Variants in TRPM8 observed in about 807,000 individuals in gnomAD.
TRPM8 encodes transient receptor potential cation channel subfamily M member 8.
TRPM8 carries 110 observed loss-of-function variants against 133.7 expected under a neutral mutation model. The ratio of observed to expected loss-of-function variants is 0.82; its 90% CI spans 0.70 to 0.96. TRPM8 has a LOEUF of 0.96. TRPM8 is among the 40% of genes least tolerant of loss of function. The pLI is 0.00. For synonymous variants in TRPM8, 535 were observed against 532.3 expected (o/e 1.01, Z -0.07); for missense variants, 1,291 against 1,379.5 (o/e 0.94, Z 1.02).
At chr2:233,929,086 G>C (rs1156997970) in intron 2 of TRPM8, among the ~76,000 whole-genome samples, 4 of 149,132 alleles carry the variant, frequency 2.7e-5, no homozygotes, top group Non-Finnish European at 5.9e-5. Flanking sequence ...TCATGGCTAT[G>C]CTGTGTCCTA....
At chr2:234,014,917 G>A (rs2125418020) in intron 25 of TRPM8, among the ~76,000 whole-genome samples, 1 of 152,240 alleles carries the variant, frequency 6.6e-6, no homozygotes, top group Admixed American at 6.5e-5. Context: ...TGTCCTGTAG[G>A]ACCTTTTAAA....
At chr2:233,930,948 T>C (rs1226154334) in intron 3 of TRPM8, among the ~76,000 whole-genome samples, 1 of 152,250 alleles carries the variant, frequency 6.6e-6, no homozygotes, top group African/African-American at 2.4e-5. Context: ...TTTTCAGCTT[T>C]GGCCATAGTT....
In TRPM8 at chr2:233,964,646, G is replaced by A; in HGVS notation, c.1768G>A (p.Ala590Thr). Reference sequence around the variant, plus strand: ...TAAAAAGACCAGGGGCTGCACTCTGGCAGCCCTGGGAGCCAGCAAGCTTCT... The same window carrying A: ...TAAAAAGACCAGGGGCTGCACTCTGACAGCCCTGGGAGCCAGCAAGCTTCT... ...IWEQTRGCTLAALGASKLLKT... is the reference protein window; with the variant it reads ...IWEQTRGCTLTALGASKLLKT... The change falls in exon 14 of 26, where the codon GCA becomes ACA. Residue 590 changes from alanine to threonine, a missense_variant. Coordinates refer to ENST00000324695, the MANE Select transcript of TRPM8 (RefSeq NM_024080.5). 1 of 1,606,384 alleles carries A rather than the reference G, an allele frequency of 6.2e-7. No homozygotes were observed. Among genetic ancestry groups the A allele is most frequent in the South Asian group, 1.1e-5 (1 of 90,034 alleles).
intron 3 of TRPM8, among the ~76,000 whole-genome samples, chr2:233,934,117 T>G (rs1483247987): frequency 6.6e-6 from 1 of 152,180 alleles, no homozygotes; most frequent in Non-Finnish European, 1.5e-5. Flanking sequence ...CTACCTAAAC[T>G]TAAAGAGGGG....
intron 6 of TRPM8, 43 bp from the exon 7 acceptor site, chr2:233,945,813 C>T (rs200883697): frequency 1.0e-5 from 16 of 1,540,768 alleles, no homozygotes; most frequent in South Asian, 2.3e-5. Flanking sequence ...TGTATCTTGA[C>T]TGATAATACA....
intron 9 of TRPM8, among the ~76,000 whole-genome samples, chr2:233,950,665 CT>C (rs1307667404): frequency 6.6e-6 from 1 of 152,206 alleles, no homozygotes; most frequent in Non-Finnish European, 1.5e-5. Context: ...GGCACTAGTG[CT>C]TTGCAAGGTG....
chr2:233,964,445 G>A (rs1228418748), intron 13 of TRPM8, among the ~76,000 whole-genome samples, 183 bp from the exon 14 acceptor site: 7 of 150,878 alleles, frequency 4.6e-5, no homozygotes, highest in Admixed American at 2.0e-4. Flanking sequence ...CCAACTACTC[G>A]GGAGGCTGAG....
chr2:234,002,782 T>G (rs770076281), intron 22 of TRPM8, among the ~76,000 whole-genome samples: 9 of 152,290 alleles, frequency 5.9e-5, no homozygotes, highest in African/African-American at 2.2e-4. Context: ...GGTTAGGTGG[T>G]CCTTCTCTCT....
In TRPM8 at chr2:233,929,274, G is replaced by A. The variant is rs983292841; in HGVS notation, c.118-1394G>A. On this transcript the variant is annotated intron_variant, in intron 2 of 25. Transcript: ENST00000324695. ...AACATCCCTCTTTCATGGGGTCTGG[G>A]TTTAAGACATACGACCTATGGGGAA... is the stretch of plus-strand genomic sequence containing the variant. 3.3e-5 allele frequency among the ~76,000 whole-genome samples: 5 copies of A among 152,168 alleles called. No individual in the cohort carries two copies. In the South Asian group the frequency reaches 8.3e-4, roughly 25 times the overall value.
At chr2:233,954,377 G>A (rs1246372925) in intron 10 of TRPM8, among the ~76,000 whole-genome samples, 1 of 152,154 alleles carries the variant, frequency 6.6e-6, no homozygotes, top group African/African-American at 2.4e-5. Flanking sequence ...CTACATATTT[G>A]TACACATATG....
chr2:234,010,090 C>T (rs1002123160), intron 24 of TRPM8, among the ~76,000 whole-genome samples: 2 of 152,138 alleles, frequency 1.3e-5, no homozygotes, highest in Admixed American at 6.6e-5. Flanking sequence ...ATTTATTTAT[C>T]TTGCATAACA....
rs1481639442 is a variant in TRPM8, at chr2:233,953,852, AAAG to A, written c.1141-61_1141-59del. On this transcript the variant is annotated intron_variant, in intron 9 of 25. Transcript: ENST00000324695. ...TTTTAAAAAGATCTCTCACAAAAAG[AAAG>A]AAGTTTATGCTCCTCATGCCTAAAA... The A allele has an allele frequency of 2.1e-5, 26 of 1,247,840 alleles. No individual in the cohort carries two copies. The African/African-American group carries it at 3.6e-4, about 17-fold the overall frequency. 77.3% of individuals were successfully genotyped at this position (1,247,840 alleles called of 1,614,324 possible).
rs1553656129 is a variant in TRPM8, at chr2:233,942,071, C to CTGTTTTTTTTTTTTTTTTTTTTTTTTTT, written c.527-504_527-503insGTTTTTTTTTTTTTTTTTTTTTTTTTTT. Among the ~76,000 whole-genome samples the CTGTTTTTTTTTTTTTTTTTTTTTTTTTT allele has an allele frequency of 1.8e-5, 2 of 111,704 alleles. 1 individual carries two copies. The highest frequency in any genetic ancestry group is 7.8e-5 in the African/African-American group (2 of 25,618). The allele number at this position is 111,704 out of a possible 152,430, so 73.3% of individuals were successfully genotyped here. A position where few individuals can be genotyped will look rare whatever the true frequency, so the allele number is the denominator to read the frequency against. The stretch of plus-strand genomic sequence containing the variant: ...GCAGATCTGGAATAGGGTCAAGAAT[C>CTGTTTTTTTTTTTTTTTTTTTTTTTTTT]TTTTTTTTTTTTTTTTTTTTCTTTT... On this transcript the variant is annotated intron_variant, in intron 5 of 25. Transcript: ENST00000324695.
At chr2:233,954,983 A>G (rs1224071139) in intron 10 of TRPM8, 149 bp from the exon 11 acceptor site, 3 of 607,728 alleles carry the variant, frequency 4.9e-6, no homozygotes, top group Non-Finnish European at 8.9e-6. Context: ...GAGTGAAGAT[A>G]GAGTGAATGA....
Position 233,939,072 on chromosome 2 carries a change from A to T in TRPM8, c.423A>T (p.Thr141=). ...TGACCCAGCACTGGCACCTGAAAACACCCAACCTGGTCATTTCTGTGACCG... is the reference window on the plus strand; with the variant it reads ...TGACCCAGCACTGGCACCTGAAAACTCCCAACCTGGTCATTTCTGTGACCG... ...ELLTQHWHLK[T]PNLVISVTGG... is the part of the protein sequence containing the mutation. Residue 141 remains threonine (T), a synonymous_variant, in exon 5 of 26, where the codon ACA becomes ACT. Transcript: ENST00000324695. 1 of 1,614,146 alleles carries T rather than the reference A, an allele frequency of 6.2e-7. No homozygotes were observed. Among genetic ancestry groups the T allele is most frequent in the Admixed American group, 1.7e-5 (1 of 60,024 alleles).
chr2:233,949,002 C>A (rs1448479746), intron 8 of TRPM8, among the ~76,000 whole-genome samples: 2 of 152,166 alleles, frequency 1.3e-5, no homozygotes, highest in African/African-American at 4.8e-5. Context: ...CCATTGCACT[C>A]CAGCCTGGGA....
chr2:234,015,994 C>T (rs1330430278), intron 25 of TRPM8, among the ~76,000 whole-genome samples: 4 of 152,162 alleles, frequency 2.6e-5, no homozygotes, highest in Non-Finnish European at 4.4e-5. Flanking sequence ...GAGTCAGATT[C>T]AGACACGCAC....
At chr2:233,934,537 C>T (rs1000324910) in intron 3 of TRPM8, among the ~76,000 whole-genome samples, 3 of 152,290 alleles carry the variant, frequency 2.0e-5, no homozygotes, top group Middle Eastern at 3.4e-3. Context: ...CTGCAGTCCA[C>T]GTCAATGCAC....
At chr2:233,951,982 C>G (rs1460023579) in intron 9 of TRPM8, among the ~76,000 whole-genome samples, 1 of 152,146 alleles carries the variant, frequency 6.6e-6, no homozygotes, top group Non-Finnish European at 1.5e-5. Flanking sequence ...TGCATTATAC[C>G]TCTCCCACTG....
Sources: gnomAD v4.1 joint callset for allele counts (sites outside exome capture counted in the v4.1 genomes callset) on GRCh38, gnomAD v4.1.1 for gene constraint, MANE v1.5 for transcripts, NCBI Gene and HGNC (gene_info 2026-07-23, HGNC 2026-07-21) for gene names.